Variants in CFAP299 observed in about 807,000 individuals in gnomAD.
CFAP299 encodes the protein cilia and flagella associated protein 299.
Under a neutral mutation model 27.0 loss-of-function variants are expected in CFAP299, and 21 were observed. That is an observed-to-expected ratio of 0.78 (90% CI 0.55 to 1.12). The LOEUF (loss-of-function observed/expected upper bound fraction) is 1.12, where lower values mean the gene tolerates loss of function less well. Ranked by LOEUF, CFAP299 falls within the 50% of genes most tolerant of loss-of-function variation. The pLI is 0.00. For missense variants in CFAP299, 310 were observed against 276.6 expected (o/e 1.12, Z -0.86); for synonymous variants, 104 against 98.1 (o/e 1.06, Z -0.36).
chr4:80,849,597 G>A (rs1350746657), intron 3 of CFAP299, among the ~76,000 whole-genome samples: 1 of 152,032 alleles, frequency 6.6e-6, no homozygotes, highest in Non-Finnish European at 1.5e-5. Context: ...AATTTTGAGG[G>A]GATTAGTGAT....
intron 4 of CFAP299, among the ~76,000 whole-genome samples, chr4:80,881,830 A>C (rs1337865351): frequency 6.6e-6 from 1 of 152,254 alleles, no homozygotes; most frequent in Non-Finnish European, 1.5e-5. Context: ...GTTACAAGAG[A>C]ACGTGGATAG....
At chr4:80,716,806 A>G (rs1722513654) in intron 3 of CFAP299, among the ~76,000 whole-genome samples, 1 of 152,100 alleles carries the variant, frequency 6.6e-6, no homozygotes, top group South Asian at 2.1e-4. Context: ...AGGGAGTCCT[A>G]GCTGGTTCCA....
intron 3 of CFAP299, among the ~76,000 whole-genome samples, chr4:80,614,367 T>G (rs1219765353): frequency 6.6e-6 from 1 of 152,224 alleles, no homozygotes; most frequent in Non-Finnish European, 1.5e-5. Context: ...GTATATTTAA[T>G]GGAGATGACA....
chr4:80,594,603 A>G (rs1736961994), intron 3 of CFAP299, among the ~76,000 whole-genome samples: 1 of 152,206 alleles, frequency 6.6e-6, no homozygotes, highest in African/African-American at 2.4e-5. Flanking sequence ...AATATCATAT[A>G]CCATTTTATT....
Position 80,632,387 on chromosome 4 carries a change from A to C in CFAP299, c.333+49204A>C, listed in dbSNP as rs184791208. 2.4e-3 allele frequency among the ~76,000 whole-genome samples: 368 copies of C among 152,306 alleles called. 1 individual carries two copies. Among genetic ancestry groups the C allele is most frequent in the African/African-American group, 8.4e-3 (349 of 41,566 alleles). ...TACATTTATTCAGCATTTATTAAAA[A>C]TAGTAATTTCCTTTTTTCTTCATAT... On this transcript the variant is annotated intron_variant, in intron 3 of 5. Transcript: ENST00000358105.
In CFAP299 at chr4:80,823,192, G is replaced by A. The variant is rs1456085996; in HGVS notation, c.334-46801G>A. ...AGGGACAGGAATGGAACCTGGGAGA[G>A]AAAGAGGCTTAGGACTCAGTTTGTG... On this transcript the variant is annotated intron_variant, in intron 3 of 5. Transcript: ENST00000358105. Among the ~76,000 whole-genome samples, 4 of 152,124 alleles carry A rather than the reference G, an allele frequency of 2.6e-5. No individual in the cohort carries two copies. The East Asian group carries it at 7.7e-4, about 29-fold the overall frequency.
intron 4 of CFAP299, among the ~76,000 whole-genome samples, chr4:80,927,631 T>C (rs1465403635): frequency 6.6e-6 from 1 of 152,070 alleles, no homozygotes; most frequent in African/African-American, 2.4e-5. Context: ...TGCTCCTAAA[T>C]TCATTTAGAT....
At chr4:80,662,053 A>C (rs1225901711) in intron 3 of CFAP299, among the ~76,000 whole-genome samples, 2 of 152,192 alleles carry the variant, frequency 1.3e-5, no homozygotes, top group Non-Finnish European at 2.9e-5. Flanking sequence ...GATGTTATCA[A>C]TGACAATGCG....
At chr4:80,829,312 A>G (rs909854821) in intron 3 of CFAP299, among the ~76,000 whole-genome samples, 9 of 152,084 alleles carry the variant, frequency 5.9e-5, no homozygotes, top group African/African-American at 1.9e-4. Context: ...ATGGATAATG[A>G]ACACATGAAA....
At chr4:80,438,876 G>A (rs1728216904) in intron 2 of CFAP299, among the ~76,000 whole-genome samples, 1 of 152,070 alleles carries the variant, frequency 6.6e-6, no homozygotes, top group South Asian at 2.1e-4. Flanking sequence ...CTCCTCAGTC[G>A]ATATTTACAG....
At chr4:80,451,669 C>A (rs1369489931) in intron 2 of CFAP299, among the ~76,000 whole-genome samples, 2 of 152,164 alleles carry the variant, frequency 1.3e-5, no homozygotes, top group African/African-American at 2.4e-5. Context: ...ATAATAGATT[C>A]ATTTCCTTTC....
At chr4:80,844,923 A>G (rs113066605) in intron 3 of CFAP299, among the ~76,000 whole-genome samples, 2,353 of 152,234 alleles carry the variant, frequency 0.015, 29 homozygotes, top group African/African-American at 0.03. Context: ...TCTTGAATTA[A>G]TTTTTGTATA....
chr4:80,345,367 T>A (rs1232318385), intron 1 of CFAP299, among the ~76,000 whole-genome samples: 2 of 152,124 alleles, frequency 1.3e-5, no homozygotes, highest in African/African-American at 2.4e-5. Flanking sequence ...GTTGGTGTGC[T>A]GCACCCATTA....
chr4:80,369,543 G>A (rs765501367), intron 2 of CFAP299, among the ~76,000 whole-genome samples: 3 of 152,174 alleles, frequency 2.0e-5, no homozygotes, highest in Admixed American at 1.3e-4. Flanking sequence ...TAGGAAGAGC[G>A]TATGAACAGA....
intron 3 of CFAP299, among the ~76,000 whole-genome samples, chr4:80,593,088 A>G (rs886657586): frequency 2.0e-5 from 3 of 152,260 alleles, no homozygotes; most frequent in African/African-American, 2.4e-5. Context: ...AGAAGAATAT[A>G]TTTTACAGCT....
At chr4:80,833,654 C>T (rs752010406) in intron 3 of CFAP299, among the ~76,000 whole-genome samples, 6 of 152,098 alleles carry the variant, frequency 3.9e-5, no homozygotes, top group Admixed American at 6.6e-5. Flanking sequence ...ATTCTACCCA[C>T]GATAGGTGTG....
chr4:80,943,240 G>GA (rs1737287184), intron 4 of CFAP299, among the ~76,000 whole-genome samples: 1 of 152,174 alleles, frequency 6.6e-6, no homozygotes, highest in Non-Finnish European at 1.5e-5. Flanking sequence ...AGAAAAGGTA[G>GA]TAGGGAAAGA....
chr4:80,799,197 A>AATATATATATAAATATTGTATAAAT (rs1560416049), intron 3 of CFAP299, among the ~76,000 whole-genome samples: 4 of 120,052 alleles, frequency 3.3e-5, no homozygotes, highest in African/African-American at 1.3e-4. Flanking sequence ...ATATTTATAT[A>AATATATATATAAATATTGTATAAAT]ATATTTATAT....
intron 3 of CFAP299, among the ~76,000 whole-genome samples, chr4:80,717,943 G>A (rs77218667): frequency 0.08 from 12,135 of 151,970 alleles, 1,142 homozygotes; most frequent in African/African-American, 0.22. Context: ...TTAGTTTTAC[G>A]ATTATAATGT....
Sources: allele counts gnomAD v4.1 joint callset (sites outside exome capture counted in the v4.1 genomes callset), GRCh38; gene constraint gnomAD v4.1.1; transcripts MANE v1.5; gene names NCBI Gene and HGNC (gene_info 2026-07-23, HGNC 2026-07-21).